The following BMP3 variants were observed in gnomAD, a reference collection of about 807,000 sequenced individuals.
BMP3 encodes the protein bone morphogenetic protein 3 (osteogenic).
Under a neutral mutation model 38.1 loss-of-function variants are expected in BMP3, and 23 were observed. The ratio of observed to expected loss-of-function variants is 0.60; its 90% CI spans 0.43 to 0.86. BMP3 has a LOEUF of 0.86. BMP3 is among the 40% of genes least tolerant of loss of function. BMP3 has a pLI of 0.00. For missense variants in BMP3, 628 were observed against 579.6 expected (o/e 1.08, Z -0.86); for synonymous variants, 258 against 225.7 (o/e 1.14, Z -1.28).
chr4:81,053,610 T>TG lies in BMP3; in HGVS notation c.*74_*75insG. Reference sequence around the variant, plus strand: ...TTATGGACTTCTTCCTGTTTTTTTTTTTTTTTTTTTTGCACTGCCAATGCA... The same window carrying TG: ...TTATGGACTTCTTCCTGTTTTTTTTTGTTTTTTTTTTTGCACTGCCAATGCA... On this transcript the variant is annotated 3_prime_UTR_variant, in exon 3 of 3. Coordinates refer to ENST00000282701, the MANE Select transcript of BMP3 (RefSeq NM_001201.5). 6 of 811,964 alleles carry TG rather than the reference T, an allele frequency of 7.4e-6. No individual in the cohort carries two copies. Among genetic ancestry groups the TG allele is most frequent in the Non-Finnish European group, 8.7e-6 (5 of 578,032 alleles). The allele number at this position is 811,964 out of a possible 1,614,324, so 50.3% of individuals were successfully genotyped here. A position where few individuals can be genotyped will look rare whatever the true frequency, so the allele number is the denominator to read the frequency against.
At position 81,046,509 on chromosome 4, in the gene BMP3, A is replaced by G; in HGVS notation, c.1088A>G (p.Gln363Arg). The change falls in exon 2 of 3, where the codon CAG (glutamine) becomes CGG (arginine). Residue 363 changes from glutamine to arginine, a missense_variant. Coordinates refer to ENST00000282701, the MANE Select transcript of BMP3 (RefSeq NM_001201.5). ...EQTLKKARRKQWIEPRNCARR... is the reference protein window; with the variant it reads ...EQTLKKARRKRWIEPRNCARR... ...ACCCTGAAAAAGGCAAGGAGAAAGC[A>G]GTGGATTGAACCTCGGAATTGCGCC... 1 of 1,614,150 alleles carries G rather than the reference A, an allele frequency of 6.2e-7. No homozygotes were observed. Among genetic ancestry groups the G allele is most frequent in the Non-Finnish European group, 8.5e-7 (1 of 1,180,016 alleles).
In BMP3 at chr4:81,054,049, C is replaced by G. The variant is rs1740478367; in HGVS notation, c.*513C>G. The G allele has an allele frequency of 6.5e-6, 1 of 152,824 alleles. No homozygotes were observed. Among genetic ancestry groups the G allele is most frequent in the Non-Finnish European group, 1.5e-5 (1 of 68,282 alleles). The allele number at this position is 152,824 out of a possible 1,614,324, so 9.5% of individuals were successfully genotyped here. A position where few individuals can be genotyped will look rare whatever the true frequency, so the allele number is the denominator to read the frequency against. On this transcript the variant is annotated 3_prime_UTR_variant, in exon 3 of 3. Transcript: ENST00000282701. ...TTATCCTTGTTTTTCCTCCACAAGT[C>G]ATTGTCTAAGTGTAATGGAAAGTTT... is the stretch of plus-strand genomic sequence containing the variant.
Position 81,032,211 on chromosome 4 carries a change from A to AAAAAC in BMP3, c.316+615_316+616insCAAAA, listed in dbSNP as rs1553913130. Among the ~76,000 whole-genome samples, 8 of 146,574 alleles carry AAAAAC rather than the reference A, an allele frequency of 5.5e-5. No homozygotes were observed. The South Asian group carries it at 6.5e-4, about 12-fold the overall frequency. On this transcript the variant is annotated intron_variant, in intron 1 of 2. Coordinates refer to ENST00000282701, the MANE Select transcript of BMP3 (RefSeq NM_001201.5). ...CTTAGTGGCAAAAAAAAAAAAAAAA[A>AAAAAC]AAAAAAAAACAGGTGCTTGGGTGTT...
chr4:81,032,470 C>G (rs1486139810), intron 1 of BMP3, among the ~76,000 whole-genome samples: 1 of 152,206 alleles, frequency 6.6e-6, no homozygotes, highest in African/African-American at 2.4e-5. Context: ...GCCTCCCTCC[C>G]TTGTGTTAAC....
At chr4:81,039,416 T>G (rs1485911954) in intron 1 of BMP3, among the ~76,000 whole-genome samples, 2 of 152,218 alleles carry the variant, frequency 1.3e-5, no homozygotes, top group African/African-American at 4.8e-5. Context: ...TAATTCCCCT[T>G]GCAAACGTTC....
chr4:81,052,750 C>T (rs1355879122), intron 2 of BMP3, among the ~76,000 whole-genome samples: 1 of 152,056 alleles, frequency 6.6e-6, no homozygotes, highest in Non-Finnish European at 1.5e-5. Context: ...CCATCCAATC[C>T]ATCTTGGCAA....
rs148639298 is a variant in BMP3, at chr4:81,053,399, G to C, written c.1282G>C (p.Val428Leu). 16 of 1,610,530 alleles carry C rather than the reference G, an allele frequency of 9.9e-6. No individual in the cohort carries two copies. The East Asian group carries it at 3.6e-4, about 36-fold the overall frequency. ...CCAGAGTATAGTGAGAGCTGTGGGGGTCGTTCCTGGGATTCCTGAGCCTTG... is the reference window on the plus strand; with the variant it reads ...CCAGAGTATAGTGAGAGCTGTGGGGCTCGTTCCTGGGATTCCTGAGCCTTG... Reference protein sequence around the residue: ...TIQSIVRAVGVVPGIPEPCCV... With the variant: ...TIQSIVRAVGLVPGIPEPCCV... Residue 428 changes from valine (V) to leucine (L), a missense_variant, in exon 3 of 3, where the codon GTC becomes CTC. Physicochemically the swap from Val to Leu is conservative, Grantham distance 32. Transcript: ENST00000282701.
chr4:81,045,900 A>T lies in BMP3; in HGVS notation c.479A>T (p.His160Leu). Residue 160 changes from histidine to leucine, a missense_variant, in exon 2 of 3, where the codon CAC becomes CTC. Transcript: ENST00000282701. ...GGCSHHAQRK[H>L]IQIDLSAWTL... ...TGCTCCCATCATGCTCAGAGGAAAC[A>T]CATTCAGATTGATCTTTCTGCATGG... The T allele has an allele frequency of 1.2e-6, 2 of 1,614,128 alleles. No individual in the cohort carries two copies. The highest frequency in any genetic ancestry group is 1.7e-6 in the Non-Finnish European group (2 of 1,180,008).
intron 2 of BMP3, among the ~76,000 whole-genome samples, chr4:81,051,228 T>G (rs1740393749): frequency 6.6e-6 from 1 of 152,184 alleles, no homozygotes; most frequent in Admixed American, 6.5e-5. Flanking sequence ...ATTATCCATA[T>G]CTACACCAGG....
In BMP3 at chr4:81,031,599, A is replaced by C; in HGVS notation, c.315A>C (p.Ala105=). 2 of 1,589,112 alleles carry C rather than the reference A, an allele frequency of 1.3e-6. No individual in the cohort carries two copies. Among genetic ancestry groups the C allele is most frequent in the East Asian group, 2.3e-5 (1 of 44,286 alleles). The change falls in exon 1 of 3, where the codon GCA becomes GCC. Residue 105 remains alanine, a splice_region_variant and synonymous_variant. Transcript: ENST00000282701. ...TTCGCAGCTTTCGGGCGGCAGCAGC[A>C]GGTGAGTGCGCGAGGTGAGACTCCC... is the stretch of plus-strand genomic sequence containing the variant. ...NTVRSFRAAA[A]ETLERKGLYI...
intron 2 of BMP3, among the ~76,000 whole-genome samples, chr4:81,050,386 C>T (rs540709599): frequency 1.3e-5 from 2 of 152,254 alleles, no homozygotes; most frequent in Admixed American, 1.3e-4. Context: ...ATGAAAAATA[C>T]CCATACAGTT....
intron 2 of BMP3, among the ~76,000 whole-genome samples, chr4:81,051,232 C>T (rs1487952277): frequency 6.6e-6 from 1 of 152,176 alleles, no homozygotes; most frequent in African/African-American, 2.4e-5. Flanking sequence ...TCCATATCTA[C>T]ACCAGGTCAT....
chr4:81,046,041 G>A lies in BMP3; in HGVS notation c.620G>A (p.Arg207Lys). The A allele has an allele frequency of 2.5e-6, 4 of 1,614,162 alleles. No individual in the cohort carries two copies. Among genetic ancestry groups the A allele is most frequent in the Non-Finnish European group, 1.7e-6 (2 of 1,180,016 alleles). The change falls in exon 2 of 3, where the codon AGG (arginine) becomes AAG (lysine). Residue 207 changes from arginine (R) to lysine (K), a missense_variant. Coordinates refer to ENST00000282701, the MANE Select transcript of BMP3 (RefSeq NM_001201.5). ...TCTAAAGATATCACTCAACTCTTGA[G>A]GAAGGCCAAAGAAAATGAAGAGTTC... ...WLSKDITQLL[R>K]KAKENEEFLI...
At chr4:81,053,222 G>C in intron 2 of BMP3, 123 bp from the exon 3 acceptor site, 3 of 675,166 alleles carry the variant, frequency 4.4e-6, no homozygotes, top group Non-Finnish European at 4.6e-6. Context: ...GTATAATGAT[G>C]CCAGAGGTTT....
chr4:81,042,356 CAATT>C (rs1740101038), intron 1 of BMP3, among the ~76,000 whole-genome samples: 1 of 152,168 alleles, frequency 6.6e-6, no homozygotes, highest in Admixed American at 6.5e-5. Flanking sequence ...TGCCTTCTCT[CAATT>C]AATCCTCGCA....
Position 81,031,526 on chromosome 4 carries a change from G to A in BMP3, c.242G>A (p.Gly81Glu). The A allele has an allele frequency of 1.2e-6, 2 of 1,612,010 alleles. No homozygotes were observed. The highest frequency in any genetic ancestry group is 1.7e-6 in the Non-Finnish European group (2 of 1,179,388). The change falls in exon 1 of 3, where the codon GGA (glycine) becomes GAA (glutamate). Residue 81 changes from glycine to glutamate, a missense_variant. Transcript: ENST00000282701. ...GCCCGGACACCGGGCTCCCTGGAGG[G>A]AGGCTCGCAGCCCTGGCGCCCTCGG... is the stretch of plus-strand genomic sequence containing the variant. ...QAARTPGSLEGGSQPWRPRLL... is the reference protein window; with the variant it reads ...QAARTPGSLEEGSQPWRPRLL...
intron 1 of BMP3, among the ~76,000 whole-genome samples, chr4:81,037,728 C>G (rs542557510): frequency 2.6e-5 from 4 of 152,228 alleles, no homozygotes; most frequent in African/African-American, 9.6e-5. Context: ...AGTTAGTAAT[C>G]ATCTGTGCAA....
At chr4:81,044,048 G>A (rs912810428) in intron 1 of BMP3, among the ~76,000 whole-genome samples, 1 of 152,144 alleles carries the variant, frequency 6.6e-6, no homozygotes, top group South Asian at 2.1e-4. Context: ...GACATGGGAG[G>A]TAGATATTGT....
At chr4:81,034,946 T>C (rs1274007209) in intron 1 of BMP3, among the ~76,000 whole-genome samples, 1 of 152,120 alleles carries the variant, frequency 6.6e-6, no homozygotes, top group Non-Finnish European at 1.5e-5. Context: ...TTTTGATAGG[T>C]TTGATGCTAA....
Sources: allele counts gnomAD v4.1 joint callset (sites outside exome capture counted in the v4.1 genomes callset), GRCh38; gene constraint gnomAD v4.1.1; transcripts MANE v1.5; gene names NCBI Gene and HGNC (gene_info 2026-07-23, HGNC 2026-07-21).